Variants in ZDHHC6 observed in about 807,000 individuals in gnomAD.
ZDHHC6 encodes the protein zDHHC palmitoyltransferase 6.
ZDHHC6 carries 32 observed loss-of-function variants against 57.8 expected under a neutral mutation model. The observed-to-expected ratio is 0.55, with a 90% CI of 0.42 to 0.74. The LOEUF is 0.74. Ranked by LOEUF, ZDHHC6 falls within the 30% of genes least tolerant of loss-of-function variation. ZDHHC6 has a pLI of 0.00. For synonymous variants in ZDHHC6, 128 were observed against 158.0 expected (o/e 0.81, Z 1.42); for missense variants, 433 against 500.7 (o/e 0.86, Z 1.29).
intron 2 of ZDHHC6, 103 bp downstream of exon 2, chr10:112,445,067 G>C: frequency 1.5e-6 from 2 of 1,332,496 alleles, no homozygotes; most frequent in Admixed American, 2.5e-5. Flanking sequence ...GTCTCTGTGA[G>C]GACAAACAGT....
chr10:112,434,241 G>T, intron 7 of ZDHHC6, 56 bp downstream of exon 7: 1 of 1,478,846 alleles, frequency 6.8e-7, no homozygotes, highest in Non-Finnish European at 9.0e-7. Flanking sequence ...TTGAGGGGGA[G>T]TTAAGGGAAA....
At chr10:112,428,234 C>T (rs1157704864), downstream of ZDHHC6, 1 of 380,984 alleles carries the variant, frequency 2.6e-6, no homozygotes, top group African/African-American at 2.1e-5. Context: ...GCAAGATGCC[C>T]ACACAACAGG....
chr10:112,425,152 C>T, exon 12 of ZDHHC6: 1 of 490,462 alleles, frequency 2.0e-6, no homozygotes. Context: ...ACAGTAAAGA[C>T]AGGTTCTTGC....
chr10:112,426,555 G>T, downstream of ZDHHC6: 1 of 620,182 alleles, frequency 1.6e-6, no homozygotes, highest in Non-Finnish European at 2.8e-6. Flanking sequence ...TTCATTGTGG[G>T]AAAAGATTGG....
At chr10:112,431,344 T>C (rs1316457578) in intron 10 of ZDHHC6, among the ~76,000 whole-genome samples, 1 of 151,990 alleles carries the variant, frequency 6.6e-6, no homozygotes, top group Non-Finnish European at 1.5e-5. Context: ...GATGGAGTCT[T>C]GCTCTGTCAC....
Position 112,442,235 on chromosome 10 carries a change from G to T in ZDHHC6, c.476C>A (p.Ala159Asp), listed in dbSNP as rs768612749. The change falls in exon 4 of 11, where the codon GCT (alanine) becomes GAT (aspartate). Residue 159 changes from alanine (A) to aspartate (D), a missense_variant. By Grantham distance (126) the Ala-to-Asp change is moderately radical (BLOSUM62 -2). Coordinates refer to ENST00000369405, the MANE Select transcript of ZDHHC6 (RefSeq NM_022494.3). ...GTACATAGTCATCACAAAAATGAAA[G>T]CAGCATGGATACAACCCAGTGGTGC... ...LLAPLGCIHA[A>D]FIFVMTMYTQ... 9.9e-6 allele frequency: 16 copies of T among 1,613,638 alleles called. No individual in the cohort carries two copies. The highest frequency in any genetic ancestry group is 1.4e-5 in the Non-Finnish European group (16 of 1,179,858).
At chr10:112,447,020 C>CGGTG, upstream of ZDHHC6, 14 of 279,474 alleles carry the variant, frequency 5.0e-5, no homozygotes, top group South Asian at 2.6e-4. Context: ...CGTGTGGATC[C>CGGTG]GGAGCCGATT....
At chr10:112,432,579 A>G in intron 8 of ZDHHC6, 58 bp from the exon 9 acceptor site, 1 of 1,560,240 alleles carries the variant, frequency 6.4e-7, no homozygotes, top group Non-Finnish European at 8.6e-7. Flanking sequence ...CTGAGTTTTA[A>G]GTCTGAATTT....
chr10:112,434,200 T>G, intron 7 of ZDHHC6, 97 bp downstream of exon 7: 1 of 1,210,718 alleles, frequency 8.3e-7, no homozygotes, highest in Non-Finnish European at 1.1e-6. Context: ...AACATTCATA[T>G]TACTTATTTT....
downstream of ZDHHC6, chr10:112,426,416 G>GC: frequency 6.9e-7 from 1 of 1,446,614 alleles, no homozygotes; most frequent in Non-Finnish European, 9.7e-7. Flanking sequence ...TGGAGGAGAG[G>GC]ATGCCTCACC....
rs777293468 is a variant in ZDHHC6 at position 112,442,195 on chromosome 10, A to T, written c.516T>A (p.His172Gln). Residue 172 changes from histidine (H) to glutamine (Q), a missense_variant, in exon 4 of 11, where the codon CAT becomes CAA. By Grantham distance (24) the His-to-Gln change is conservative. Transcript: ENST00000369405. ...AAACATTTTCATTTTCACTTACCCG[A>T]TGATAAAGCTGTGTGTACATAGTCA... ...FVMTMYTQLY[H>Q]RLSFGWNTVK... The T allele has an allele frequency of 6.2e-7, 1 of 1,602,332 alleles. No homozygotes were observed. Among genetic ancestry groups the T allele is most frequent in the Middle Eastern group, 1.7e-4 (1 of 6,002 alleles).
downstream of ZDHHC6, among the ~76,000 whole-genome samples, chr10:112,429,345 T>C (rs1844858921): frequency 6.6e-6 from 1 of 152,232 alleles, no homozygotes; most frequent in Non-Finnish European, 1.5e-5. Context: ...CTGTTTTTGT[T>C]CTTGCTGCTG....
At chr10:112,426,028 T>G (rs937813811), downstream of ZDHHC6, among the ~76,000 whole-genome samples, 10 of 152,172 alleles carry the variant, frequency 6.6e-5, no homozygotes, top group African/African-American at 2.4e-4. Flanking sequence ...AGCTTAATGT[T>G]GAAGGATCAG....
Position 112,440,629 on chromosome 10 carries a change from CA to C in ZDHHC6, c.585del (p.Ile195MetfsTer6). 1 of 1,614,036 alleles carries C rather than the reference CA, an allele frequency of 6.2e-7. No individual in the cohort carries two copies. Among genetic ancestry groups the C allele is most frequent in the Non-Finnish European group, 8.5e-7 (1 of 1,179,960 alleles). On this transcript the variant is annotated frameshift_variant, in exon 5 of 11. Coordinates refer to ENST00000369405, the MANE Select transcript of ZDHHC6 (RefSeq NM_022494.3). LOFTEE classifies it high-confidence loss of function. ...GCAAATGCAGCTAATCCAAATGGAA[CA>C]ATTGGAAGAGGATCTCTCCGGGCTG... The part of the protein sequence containing the change: ...MSAARRDPLP[I>X]VPFGLAAFAT...
At chr10:112,431,886 A>G (rs781384356) in intron 10 of ZDHHC6, among the ~76,000 whole-genome samples, 1 of 152,170 alleles carries the variant, frequency 6.6e-6, no homozygotes, top group Non-Finnish European at 1.5e-5. Context: ...ATCTGTTTTC[A>G]GTGCATAGCT....
At chr10:112,426,288 A>C, downstream of ZDHHC6, 1 of 1,614,150 alleles carries the variant, frequency 6.2e-7, no homozygotes, top group South Asian at 1.1e-5. Flanking sequence ...GGTTCCTGAC[A>C]CAGATGTACT....
intron 5 of ZDHHC6, 94 bp from the exon 6 acceptor site, chr10:112,438,483 C>T (rs1362977273): frequency 3.0e-6 from 3 of 986,688 alleles, no homozygotes; most frequent in Non-Finnish European, 4.2e-6. Flanking sequence ...TTTATTACTC[C>T]ATTCCATAGA....
downstream of ZDHHC6, chr10:112,425,714 T>A (rs1844651812): frequency 7.7e-6 from 3 of 389,030 alleles, no homozygotes; most frequent in Non-Finnish European, 1.4e-5. Flanking sequence ...TTAGAATGGC[T>A]ATACTAAAAG....
chr10:112,432,266 T>C lies in ZDHHC6; in HGVS notation c.1112A>G (p.Lys371Arg), dbSNP rs1845116681. The change falls in exon 10 of 11, where the codon AAA (lysine) becomes AGA (arginine). Residue 371 changes from lysine to arginine, a missense_variant. By Grantham distance (26) the Lys-to-Arg change is conservative (BLOSUM62 2). Transcript: ENST00000369405. The part of the protein sequence containing the change: ...RGLRYWLYGD[K>R]ILDDSFIEGV... ...TTCTATAAAGGAATCATCAAGAATTTTGTCTCCATATAACCAGTATCTGAA... is the reference window on the plus strand; with the variant it reads ...TTCTATAAAGGAATCATCAAGAATTCTGTCTCCATATAACCAGTATCTGAA... 7 of 1,607,614 alleles carry C rather than the reference T, an allele frequency of 4.4e-6. No homozygotes were observed. The highest frequency in any genetic ancestry group is 5.1e-6 in the Non-Finnish European group (6 of 1,178,436).
Sources: allele counts gnomAD v4.1 joint callset (sites outside exome capture counted in the v4.1 genomes callset), GRCh38; gene constraint gnomAD v4.1.1; transcripts MANE v1.5; gene names NCBI Gene and HGNC (gene_info 2026-07-23, HGNC 2026-07-21).